The following LDLRAD4 variants were observed in gnomAD, a reference collection of about 807,000 sequenced individuals.
LDLRAD4 encodes low-density lipoprotein receptor class A domain-containing protein 4.
Under a neutral mutation model 17.0 loss-of-function variants are expected in LDLRAD4, and 5 were observed. That is an observed-to-expected ratio of 0.29 (90% confidence interval 0.15 to 0.62). The LOEUF is 0.62. Ranked by LOEUF, LDLRAD4 falls within the 20% of genes least tolerant of loss-of-function variation. The pLI is 0.84. For missense variants in LDLRAD4, 340 were observed against 424.7 expected (o/e 0.80, Z 1.75); for synonymous variants, 168 against 171.8 (o/e 0.98, Z 0.17).
At chr18:13,450,887 G>C (rs2091792463) in intron 3 of LDLRAD4, among the ~76,000 whole-genome samples, 1 of 152,172 alleles carries the variant, frequency 6.6e-6, no homozygotes, top group Admixed American at 6.5e-5. Flanking sequence ...TGCGGGGAGG[G>C]GAGGGCTGAC....
rs185999133 is a variant in LDLRAD4, at chr18:13,385,718, A to G, written c.-382-1623A>G. Among the ~76,000 whole-genome samples, 30 of 152,318 alleles carry G rather than the reference A, an allele frequency of 2.0e-4. No individual in the cohort carries two copies. The East Asian group carries it at 5.4e-3, about 27-fold the overall frequency. ...GGATAAATTCCATTTCCCAAAGTTC[A>G]TGATGCTAGTGCAACTAGTTTTCTT... On this transcript the variant is annotated intron_variant, in intron 1 of 5. Coordinates refer to ENST00000359446, the Ensembl canonical transcript of LDLRAD4.
intron 3 of LDLRAD4, chr18:13,612,829 G>T: frequency 1.2e-6 from 2 of 1,607,600 alleles, no homozygotes; most frequent in Non-Finnish European, 1.7e-6. Context: ...GTTTGCTGTG[G>T]TTCTTCTTGG....
At chr18:13,601,034 G>C (rs531259894) in intron 3 of LDLRAD4, among the ~76,000 whole-genome samples, 1 of 152,146 alleles carries the variant, frequency 6.6e-6, no homozygotes, top group Non-Finnish European at 1.5e-5. Context: ...AGGGAGGATG[G>C]GCACCTGTTC....
intron 3 of LDLRAD4, among the ~76,000 whole-genome samples, chr18:13,479,482 A>G (rs1690912244): frequency 6.6e-6 from 1 of 152,252 alleles, no homozygotes; most frequent in African/African-American, 2.4e-5. Context: ...TTAGCTGGAC[A>G]TGGTGGTGGG....
chr18:13,593,381 G>T (rs1038832659), intron 3 of LDLRAD4, among the ~76,000 whole-genome samples: 1 of 144,974 alleles, frequency 6.9e-6, no homozygotes, highest in African/African-American at 2.5e-5. Flanking sequence ...TTTGCAAGCT[G>T]ACCTGGGCAT....
At chr18:13,574,419 A>G (rs901293605) in intron 3 of LDLRAD4, among the ~76,000 whole-genome samples, 1 of 152,096 alleles carries the variant, frequency 6.6e-6, no homozygotes, top group Non-Finnish European at 1.5e-5. Context: ...GTGGTAGTTC[A>G]TCCACCTGGA....
chr18:13,438,299 T>C lies in LDLRAD4; in HGVS notation c.96T>C (p.Cys32=), dbSNP rs372796452. ...GCTTGTATCTTGGTTCGCTGGTCTG[T>C]AACCAACAGAACGACTGTGGGGACA... The change falls in exon 3 of 6, where the codon TGT becomes TGC. Residue 32 remains cysteine, a synonymous_variant. Transcript: ENST00000359446. The C allele has an allele frequency of 2.5e-6, 4 of 1,613,642 alleles. No homozygotes were observed. The African/African-American group carries it at 5.3e-5, about 22-fold the overall frequency.
chr18:13,456,962 A>G (rs763093919), intron 3 of LDLRAD4, among the ~76,000 whole-genome samples: 2 of 152,204 alleles, frequency 1.3e-5, no homozygotes, highest in African/African-American at 2.4e-5. Flanking sequence ...GCCTGGGGAA[A>G]ACCCTCACCC....
At chr18:13,531,005 TCTC>T (rs2094119258) in intron 3 of LDLRAD4, among the ~76,000 whole-genome samples, 1 of 152,004 alleles carries the variant, frequency 6.6e-6, no homozygotes, top group African/African-American at 2.4e-5. Context: ...ACACAGTGGT[TCTC>T]CTTCGTTTCA....
At chr18:13,473,636 CATATATATATATATATATATATAT>C (rs71366054) in intron 3 of LDLRAD4, among the ~76,000 whole-genome samples, 9 of 28,780 alleles carry the variant, frequency 3.1e-4, no homozygotes, top group South Asian at 1.3e-3. Flanking sequence ...GATCCCATCT[CATATATATATATATATATATATAT>C]ATATATATAT....
chr18:13,551,994 CT>C (rs2148084389), intron 3 of LDLRAD4, among the ~76,000 whole-genome samples: 1 of 152,194 alleles, frequency 6.6e-6, no homozygotes, highest in South Asian at 2.1e-4. Flanking sequence ...GTTCCAGTAG[CT>C]TTAATAACCA....
intron 2 of LDLRAD4, among the ~76,000 whole-genome samples, chr18:13,412,827 G>A (rs2088503176): frequency 6.6e-6 from 1 of 152,216 alleles, no homozygotes; most frequent in Non-Finnish European, 1.5e-5. Context: ...AGCACTTAAT[G>A]TACCAATTTG....
chr18:13,391,190 T>G (rs1377331813), intron 2 of LDLRAD4, among the ~76,000 whole-genome samples: 1 of 152,222 alleles, frequency 6.6e-6, no homozygotes, highest in Non-Finnish European at 1.5e-5. Flanking sequence ...CAGGCAAACA[T>G]CACTGGGCAG....
chr18:13,580,189 C>T (rs184020022), intron 3 of LDLRAD4, among the ~76,000 whole-genome samples: 285 of 152,334 alleles, frequency 1.9e-3, no homozygotes, highest in African/African-American at 6.4e-3. Context: ...GTGCACACTC[C>T]CTGCTCAAAG....
chr18:13,322,290 C>CTT (rs370707500), intron 1 of LDLRAD4, among the ~76,000 whole-genome samples: 2,291 of 109,644 alleles, frequency 0.021, 121 homozygotes, highest in African/African-American at 0.066. Context: ...ACTTTTCTCA[C>CTT]TTTTTTTTTT....
At chr18:13,370,252 T>C (rs1332020857) in intron 1 of LDLRAD4, among the ~76,000 whole-genome samples, 1 of 152,188 alleles carries the variant, frequency 6.6e-6, no homozygotes, top group Non-Finnish European at 1.5e-5. Context: ...TGAGATGTAT[T>C]TGTTCTTACT....
At chr18:13,507,469 A>G (rs1163437845) in intron 3 of LDLRAD4, among the ~76,000 whole-genome samples, 1 of 152,208 alleles carries the variant, frequency 6.6e-6, no homozygotes, top group Non-Finnish European at 1.5e-5. Flanking sequence ...GCCTCCATCC[A>G]AGTTGCTGCA....
At chr18:13,294,374 A>T (rs1160229227) in intron 1 of LDLRAD4, among the ~76,000 whole-genome samples, 1 of 152,262 alleles carries the variant, frequency 6.6e-6, no homozygotes, top group African/African-American at 2.4e-5. Context: ...CCCCTTCTCC[A>T]CAAGGCTTAA....
chr18:13,396,033 A>G (rs2145410911), intron 2 of LDLRAD4, among the ~76,000 whole-genome samples: 1 of 152,250 alleles, frequency 6.6e-6, no homozygotes, highest in East Asian at 1.9e-4. Flanking sequence ...TCAGGATACT[A>G]TGTTTAAATG....
Sources: allele counts gnomAD v4.1 joint callset (sites outside exome capture counted in the v4.1 genomes callset), GRCh38; gene constraint gnomAD v4.1.1; transcripts MANE v1.5; gene names NCBI Gene and HGNC (gene_info 2026-07-23, HGNC 2026-07-21).